MAPK8IP2: variants seen among roughly 807,000 people sequenced by gnomAD.
MAPK8IP2 encodes the protein mitogen-activated protein kinase 8 interacting protein 2.
Under a neutral mutation model 75.6 loss-of-function variants are expected in MAPK8IP2, and 15 were observed. That is an observed-to-expected ratio of 0.20 (90% CI 0.13 to 0.31). MAPK8IP2 has a LOEUF of 0.31. Ranked by LOEUF, MAPK8IP2 falls within the 10% of genes least tolerant of loss-of-function variation. The probability of loss-of-function intolerance (pLI) is 1.00; values close to 1 mark genes in which losing one functional copy is unlikely to be tolerated. For synonymous variants in MAPK8IP2, 632 were observed against 554.5 expected (o/e 1.14, Z -1.96); for missense variants, 1,089 against 1,211.2 (o/e 0.90, Z 1.50).
In MAPK8IP2 at chr22:50,611,382, A is replaced by G. The variant is rs1390519532; in HGVS notation, c.*603A>G. The G allele has an allele frequency of 6.6e-6, 1 of 152,286 alleles. No homozygotes were observed. Among genetic ancestry groups the G allele is most frequent in the African/African-American group, 2.4e-5 (1 of 41,422 alleles). The allele number at this position is 152,286 out of a possible 1,614,324, so 9.4% of individuals were successfully genotyped here. ...AGGAGTGGTTCTTGATGCTCACCTG[A>G]AGCCCCTAGACGCTGCTAGGAGGGG... On this transcript the variant is annotated 3_prime_UTR_variant, in exon 12 of 12. Transcript: ENST00000329492. The surrounding 1 kb of genome is among the most constrained non-coding windows in gnomAD (Gnocchi z 5.5).
Position 50,606,643 on chromosome 22 carries a change from C to T in MAPK8IP2, c.2125-15C>T, listed in dbSNP as rs760639909. The T allele has an allele frequency of 4.5e-6, 7 of 1,572,366 alleles. No homozygotes were observed. The Admixed American group carries it at 1.3e-4, about 29-fold the overall frequency. ...GGCTCCTCAAGACCCTCTTCTCCCC[C>T]AACTTCTTCTGTAGATTGCCACTGC... On this transcript the variant is annotated splice_polypyrimidine_tract_variant and intron_variant, in intron 8 of 11. Transcript: ENST00000329492.
At chr22:50,601,080 C>T (rs905386016) in intron 1 of MAPK8IP2, 197 bp downstream of exon 1, 12 of 161,820 alleles carry the variant, frequency 7.4e-5, no homozygotes, top group Non-Finnish European at 5.3e-5. Flanking sequence ...ATCTTCACCG[C>T]GCGTCCCCAG....
Position 50,605,707 on chromosome 22 carries a change from G to A in MAPK8IP2, c.1987G>A (p.Val663Met). Residue 663 changes from valine to methionine, a missense_variant, in exon 7 of 12, where the codon GTG (valine) becomes ATG (methionine). Coordinates refer to ENST00000329492, the MANE Select transcript of MAPK8IP2 (RefSeq NM_012324.6). ...GTTTCCTGCCTTCTACGCCCATGCGGTGCCCGGCCCTGCCAAGGACCTGCT... is the reference window on the plus strand; with the variant it reads ...GTTTCCTGCCTTCTACGCCCATGCGATGCCCGGCCCTGCCAAGGACCTGCT... Reference protein sequence around the residue: ...GVFPAFYAHAVPGPAKDLLGS... With the variant: ...GVFPAFYAHAMPGPAKDLLGS... 1 of 1,610,480 alleles carries A rather than the reference G, an allele frequency of 6.2e-7. No individual in the cohort carries two copies. The highest frequency in any genetic ancestry group is 1.3e-5 in the African/African-American group (1 of 75,030).
intron 1 of MAPK8IP2, chr22:50,601,391 G>A (rs1044877027): frequency 3.0e-5 from 6 of 198,226 alleles, no homozygotes; most frequent in Non-Finnish European, 5.3e-5. Flanking sequence ...GAGAGGGGGA[G>A]ACAAACAGGC....
Position 50,604,960 on chromosome 22 carries a change from T to C in MAPK8IP2, c.1661T>C (p.Leu554Pro), listed in dbSNP as rs1331295802. The C allele has an allele frequency of 4.4e-6, 7 of 1,608,182 alleles. No individual in the cohort carries two copies. In the South Asian group the frequency reaches 6.6e-5, roughly 15 times the overall value. Residue 554 changes from leucine (L) to proline (P), a missense_variant, in exon 5 of 12, where the codon CTA (leucine) becomes CCA (proline). Physicochemically the swap from Leu to Pro is moderately conservative, Grantham distance 98 (BLOSUM62 -3). Coordinates refer to ENST00000329492, the MANE Select transcript of MAPK8IP2 (RefSeq NM_012324.6). ...GAGGAGGAGGCGGGCGCGGCGCTGC[T>C]AGGCGGCGGTCAGGTCTCGGGGGAC... Reference protein sequence around the residue: ...ASEEEAGAALLGGGQVSGDTS... With the variant: ...ASEEEAGAALPGGGQVSGDTS...
intron 4 of MAPK8IP2, 42 bp from the exon 5 acceptor site, chr22:50,603,799 T>C (rs932025870): frequency 1.3e-6 from 2 of 1,533,498 alleles, no homozygotes; most frequent in African/African-American, 1.4e-5. Context: ...GGAAGAGGCC[T>C]GGGTGGTGCA....
rs751053485 is a variant in MAPK8IP2 at position 50,604,942 on chromosome 22, A to G, written c.1643A>G (p.Glu548Gly). 1 of 1,609,586 alleles carries G rather than the reference A, an allele frequency of 6.2e-7. No individual in the cohort carries two copies. The highest frequency in any genetic ancestry group is 1.7e-5 in the Admixed American group (1 of 59,798). ...AGCGGCGGGGAGGCCAGCGAGGAGG[A>G]GGCGGGCGCGGCGCTGCTAGGCGGC... ...EDSGGEASEE[E>G]AGAALLGGGQ... The change falls in exon 5 of 12, where the codon GAG becomes GGG. Residue 548 changes from glutamate (E) to glycine (G), a missense_variant. Physicochemically the swap from Glu to Gly is moderately conservative, Grantham distance 98. Around this residue, in one of 2 missense-constraint regions of MAPK8IP2, gnomAD observed 960 missense variants for 1,009.6 expected, o/e 0.95. Coordinates refer to ENST00000329492, the MANE Select transcript of MAPK8IP2 (RefSeq NM_012324.6).
chr22:50,603,483 C>T lies in MAPK8IP2; in HGVS notation c.432C>T (p.Thr144=), dbSNP rs2070976537. ...HKHRPTTLRL[T]TLGAQDSLNN... Reference sequence around the variant, plus strand: ...ACCGGCCCACCACCCTCCGTCTGACCACACTGGGGGCCCAGGTGAGTGCCC... The same window carrying T: ...ACCGGCCCACCACCCTCCGTCTGACTACACTGGGGGCCCAGGTGAGTGCCC... The change falls in exon 3 of 12, where the codon ACC becomes ACT. Residue 144 remains threonine, a synonymous_variant. Coordinates refer to ENST00000329492, the MANE Select transcript of MAPK8IP2 (RefSeq NM_012324.6). 1 of 1,563,132 alleles carries T rather than the reference C, an allele frequency of 6.4e-7. No homozygotes were observed. The highest frequency in any genetic ancestry group is 1.8e-5 in the Admixed American group (1 of 56,630).
chr22:50,604,718 AGAG>A lies in MAPK8IP2; in HGVS notation c.1422_1424del (p.Glu474del). On this transcript the variant is annotated inframe_deletion, in exon 5 of 12. Coordinates refer to ENST00000329492, the MANE Select transcript of MAPK8IP2 (RefSeq NM_012324.6). ...CCGCCTGCTCCGAGGAGGAGGACGAAGAGGACGACGAGGAAGAGGAGGATGCCG... is the reference window on the plus strand; with the variant it reads ...CCGCCTGCTCCGAGGAGGAGGACGAAGACGACGAGGAAGAGGAGGATGCCG... 6.5e-7 allele frequency: 1 copy of A among 1,533,500 alleles called. No individual in the cohort carries two copies. The highest frequency in any genetic ancestry group is 8.8e-7 in the Non-Finnish European group (1 of 1,141,536). The allele number at this position is 1,533,500 out of a possible 1,614,324, so 95.0% of individuals were successfully genotyped here.
Position 50,604,029 on chromosome 22 carries a change from C to G in MAPK8IP2, c.730C>G (p.Arg244Gly). ...SRSSGGRGGR[R>G]SSQELSSPGS... ...CTCGAGCGGCGGCCGCGGGGGACGT[C>G]GCAGCAGCCAGGAGCTGTCCTCGCC... The change falls in exon 5 of 12, where the codon CGC (arginine) becomes GGC (glycine). Residue 244 changes from arginine to glycine, a missense_variant. Transcript: ENST00000329492. 6.4e-7 allele frequency: 1 copy of G among 1,550,484 alleles called. No homozygotes were observed. Among genetic ancestry groups the G allele is most frequent in the Non-Finnish European group, 8.6e-7 (1 of 1,156,422 alleles).
At position 50,604,814 on chromosome 22, in the gene MAPK8IP2, G is replaced by T. The variant is rs2071016752; in HGVS notation, c.1515G>T (p.Val505=). The part of the protein sequence containing the change: ...GPSAPRDASL[V]YDAVKYTLVV... The stretch of plus-strand genomic sequence containing the variant: ...CGGCGCCGCGGGACGCGTCGCTGGT[G>T]TACGACGCGGTCAAGTACACGCTGG... Residue 505 remains valine (V), a synonymous_variant, in exon 5 of 12, where the codon GTG becomes GTT. Transcript: ENST00000329492. 7 of 1,558,524 alleles carry T rather than the reference G, an allele frequency of 4.5e-6. No homozygotes were observed. Among genetic ancestry groups the T allele is most frequent in the Non-Finnish European group, 8.7e-7 (1 of 1,153,498 alleles).
chr22:50,610,819 G>A lies in MAPK8IP2; in HGVS notation c.*40G>A, dbSNP rs567267312. 7.2e-6 allele frequency: 11 copies of A among 1,531,958 alleles called. No individual in the cohort carries two copies. Among genetic ancestry groups the A allele is most frequent in the African/African-American group, 1.4e-5 (1 of 72,962 alleles). The allele number at this position is 1,531,958 out of a possible 1,614,324, so 94.9% of individuals were successfully genotyped here. ...TGTCTCCTGGCCGTCTGCTCCAGGCGCAGCTGGGGCTGAGGATGTCTCAAG... is the reference window on the plus strand; with the variant it reads ...TGTCTCCTGGCCGTCTGCTCCAGGCACAGCTGGGGCTGAGGATGTCTCAAG... On this transcript the variant is annotated 3_prime_UTR_variant, in exon 12 of 12. Transcript: ENST00000329492. The surrounding 1 kb of genome is among the most constrained non-coding windows in gnomAD (Gnocchi z 4.3).
rs1486256534 is a variant in MAPK8IP2 at position 50,604,691 on chromosome 22, C to T, written c.1392C>T (p.Ser464=). Reference sequence around the variant, plus strand: ...CCGCCCGCCCGGGACGAGCCTGCTCCGCCGCCTGCTCCGAGGAGGAGGACG... The same window carrying T: ...CCGCCCGCCCGGGACGAGCCTGCTCTGCCGCCTGCTCCGAGGAGGAGGACG... The part of the protein sequence containing the change: ...GRAARPGRAC[S]AACSEEEDEE... The change falls in exon 5 of 12, where the codon TCC becomes TCT. Residue 464 remains serine, a synonymous_variant. Coordinates refer to ENST00000329492, the MANE Select transcript of MAPK8IP2 (RefSeq NM_012324.6). 14 of 1,526,192 alleles carry T rather than the reference C, an allele frequency of 9.2e-6. No homozygotes were observed. The highest frequency in any genetic ancestry group is 4.2e-5 in the African/African-American group (3 of 71,774). The allele number at this position is 1,526,192 out of a possible 1,614,324, so 94.5% of individuals were successfully genotyped here.
chr22:50,605,677 G>C lies in MAPK8IP2; in HGVS notation c.1957G>C (p.Gly653Arg). The stretch of plus-strand genomic sequence containing the variant: ...CTTCAACATGCGCACGGGGGAGCGC[G>C]GTGTGTTTCCTGCCTTCTACGCCCA... ...RGFNMRTGER[G>R]VFPAFYAHAV... The change falls in exon 7 of 12, where the codon GGT becomes CGT. Residue 653 changes from glycine (G) to arginine (R), a missense_variant. By Grantham distance (125) the Gly-to-Arg change is moderately radical (BLOSUM62 -2). Coordinates refer to ENST00000329492, the MANE Select transcript of MAPK8IP2 (RefSeq NM_012324.6). 1 of 1,612,508 alleles carries C rather than the reference G, an allele frequency of 6.2e-7. No homozygotes were observed. Among genetic ancestry groups the C allele is most frequent in the Non-Finnish European group, 8.5e-7 (1 of 1,179,618 alleles).
At position 50,604,276 on chromosome 22, in the gene MAPK8IP2, A is replaced by C; in HGVS notation, c.977A>C (p.Asp326Ala). 7.0e-6 allele frequency: 11 copies of C among 1,568,992 alleles called. No individual in the cohort carries two copies. The highest frequency in any genetic ancestry group is 9.4e-6 in the Non-Finnish European group (11 of 1,165,660). Residue 326 changes from aspartate to alanine, a missense_variant, in exon 5 of 12, where the codon GAC becomes GCC. Coordinates refer to ENST00000329492, the MANE Select transcript of MAPK8IP2 (RefSeq NM_012324.6). ...RPAFLPVGPD[D>A]TNSEYESGSE... ...GCCTTCCTGCCCGTGGGCCCCGACG[A>C]CACCAACAGCGAGTACGAGTCGGGG...
rs1367360337 is a variant in MAPK8IP2 at position 50,604,456 on chromosome 22, C to T, written c.1157C>T (p.Pro386Leu). ...APRPPGEPVSPAGGAAQDSQD... is the reference protein window; with the variant it reads ...APRPPGEPVSLAGGAAQDSQD... ...CGCCCGCCCGGGGAGCCCGTGTCGC[C>T]GGCCGGCGGGGCCGCCCAGGACTCC... The change falls in exon 5 of 12, where the codon CCG (proline) becomes CTG (leucine). Residue 386 changes from proline to leucine, a missense_variant. Pro to Leu is a moderately conservative substitution (Grantham distance 98, BLOSUM62 -3). Coordinates refer to ENST00000329492, the MANE Select transcript of MAPK8IP2 (RefSeq NM_012324.6). 17 of 1,377,636 alleles carry T rather than the reference C, an allele frequency of 1.2e-5. No homozygotes were observed. Among genetic ancestry groups the T allele is most frequent in the East Asian group, 3.1e-5 (1 of 32,054 alleles). 85.3% of individuals were successfully genotyped at this position (1,377,636 alleles called of 1,614,324 possible). A position where few individuals can be genotyped will look rare whatever the true frequency, so the allele number is the denominator to read the frequency against.
In MAPK8IP2 at chr22:50,604,516, T is replaced by C; in HGVS notation, c.1217T>C (p.Val406Ala). The C allele has an allele frequency of 8.3e-7, 1 of 1,201,988 alleles. No homozygotes were observed. Among genetic ancestry groups the C allele is most frequent in the Non-Finnish European group, 1.0e-6 (1 of 971,934 alleles). 74.5% of individuals were successfully genotyped at this position (1,201,988 alleles called of 1,614,324 possible). A position where few individuals can be genotyped will look rare whatever the true frequency, so the allele number is the denominator to read the frequency against. Residue 406 changes from valine to alanine, a missense_variant, in exon 5 of 12, where the codon GTG becomes GCG. Val to Ala is a moderately conservative substitution (Grantham distance 64). This residue lies in a region of MAPK8IP2 where 960 missense variants were observed against 1,009.6 expected (regional missense o/e 0.95). Transcript: ENST00000329492. ...DPEAAAGPGG[V>A]ELVDMETLCA... ...GAGGCGGCCGCGGGGCCCGGCGGCG[T>C]GGAGCTGGTGGACATGGAGACGCTG...
At chr22:50,603,114 A>AG in intron 2 of MAPK8IP2, 109 bp from the exon 3 acceptor site, 1 of 1,587,482 alleles carries the variant, frequency 6.3e-7, no homozygotes, top group Non-Finnish European at 8.6e-7. Context: ...GTGAGCTGGA[A>AG]GGGGCTCTCC....
In MAPK8IP2 at chr22:50,605,744, C is replaced by T; in HGVS notation, c.2014+10C>T. ...GCCAAGGACCTGCTGGGTGAGGTCCCAACCCCGAGGGGAGGCTTTTCACCC... is the reference window on the plus strand; with the variant it reads ...GCCAAGGACCTGCTGGGTGAGGTCCTAACCCCGAGGGGAGGCTTTTCACCC... On this transcript the variant is annotated intron_variant, in intron 7 of 11. Transcript: ENST00000329492. 1 of 1,605,824 alleles carries T rather than the reference C, an allele frequency of 6.2e-7. No homozygotes were observed. Among genetic ancestry groups the T allele is most frequent in the Admixed American group, 1.7e-5 (1 of 59,554 alleles).
Sources: allele counts gnomAD v4.1 joint callset, GRCh38; gene constraint gnomAD v4.1.1; regional missense constraint gnomAD v4.1.1; non-coding constraint Gnocchi (gnomAD v3.1); transcripts MANE v1.5; gene names NCBI Gene and HGNC (gene_info 2026-07-23, HGNC 2026-07-21).